Variants in EXT1 observed in about 807,000 individuals in gnomAD.
EXT1 encodes exostosin glycosyltransferase 1, also known as exostosin-1.
Under a neutral mutation model 82.5 loss-of-function variants are expected in EXT1, and 20 were observed. The observed-to-expected ratio is 0.24, with a 90% CI of 0.17 to 0.35. The LOEUF is 0.35. Among genes scored for constraint, EXT1 ranks in the 10% least tolerant of loss-of-function variants. EXT1 has a pLI of 1.00. For synonymous variants in EXT1, 348 were observed against 350.8 expected (o/e 0.99, Z 0.09); for missense variants, 757 against 936.5 (o/e 0.81, Z 2.50).
At position 118,110,837 on chromosome 8, in the gene EXT1, T is replaced by C. The variant is rs367543871; in HGVS notation, c.210A>G (p.Gln70=). The change falls in exon 1 of 11, where the codon CAA becomes CAG. Residue 70 remains glutamine, a synonymous_variant. Coordinates refer to ENST00000378204, the MANE Select transcript of EXT1 (RefSeq NM_000127.3). ...GCACGCTGGAATCCTCGTTTTCCAA[T>C]TGATCCCAAGGAACGAAGGGGCGCA... ...DALRPFVPWD[Q]LENEDSSVHI... is the part of the protein sequence containing the mutation. The C allele has an allele frequency of 1.7e-5, 28 of 1,612,466 alleles. No homozygotes were observed. The highest frequency in any genetic ancestry group is 1.6e-4 in the Middle Eastern group (1 of 6,066).
intron 1 of EXT1, among the ~76,000 whole-genome samples, chr8:117,865,530 A>G (rs1812762128): frequency 6.6e-6 from 1 of 152,198 alleles, no homozygotes; most frequent in South Asian, 2.1e-4. Context: ...ATACTTACTG[A>G]GAGATTTATT....
intron 1 of EXT1, among the ~76,000 whole-genome samples, chr8:117,865,724 A>T (rs1291457857): frequency 6.6e-6 from 1 of 152,216 alleles, no homozygotes; most frequent in Non-Finnish European, 1.5e-5. Flanking sequence ...CACTAATCGT[A>T]TAAATCGTGT....
chr8:118,004,577 G>A (rs1230514709), intron 1 of EXT1, among the ~76,000 whole-genome samples: 2 of 152,112 alleles, frequency 1.3e-5, no homozygotes, highest in Non-Finnish European at 2.9e-5. Flanking sequence ...CACTAAACTC[G>A]GTGCCATTGA....
chr8:117,949,046 T>A (rs1284033971), intron 1 of EXT1, among the ~76,000 whole-genome samples: 1 of 152,198 alleles, frequency 6.6e-6, no homozygotes, highest in Non-Finnish European at 1.5e-5. Context: ...TAGGCCTGAA[T>A]TTTAAATGTT....
intron 4 of EXT1, among the ~76,000 whole-genome samples, chr8:117,824,629 A>C (rs1563572054): frequency 6.6e-6 from 1 of 152,208 alleles, no homozygotes; most frequent in Non-Finnish European, 1.5e-5. Context: ...GCCTTTAAAA[A>C]GAAACTCACT....
At chr8:118,002,016 T>G (rs962949916) in intron 1 of EXT1, among the ~76,000 whole-genome samples, 2 of 152,198 alleles carry the variant, frequency 1.3e-5, no homozygotes, top group African/African-American at 4.8e-5. Flanking sequence ...CAAAAACTAT[T>G]GAGACCCTTG....
intron 1 of EXT1, among the ~76,000 whole-genome samples, chr8:118,060,163 G>T (rs985967647): frequency 1.3e-5 from 2 of 152,110 alleles, no homozygotes; most frequent in African/African-American, 4.8e-5. Flanking sequence ...TCTTTCTTAT[G>T]CGTTATGTTC....
At chr8:117,810,812 G>C (rs17429964) in intron 8 of EXT1, among the ~76,000 whole-genome samples, 12,806 of 152,224 alleles carry the variant, frequency 0.084, 625 homozygotes, top group East Asian at 0.16. Context: ...TCACCTGGTT[G>C]GGTTAGGTCA....
intron 1 of EXT1, among the ~76,000 whole-genome samples, chr8:117,875,313 C>T (rs1812948771): frequency 6.6e-6 from 1 of 151,886 alleles, no homozygotes; most frequent in Admixed American, 6.6e-5. Context: ...CCCAGATACT[C>T]GGGAGGCCGA....
intron 1 of EXT1, among the ~76,000 whole-genome samples, chr8:117,936,066 G>T (rs890508789): frequency 1.9e-4 from 29 of 152,106 alleles, no homozygotes; most frequent in Admixed American, 1.8e-3. Flanking sequence ...TTGGAAAACT[G>T]GACAAATTCC....
chr8:117,815,934 C>CAAA (rs58788900), intron 7 of EXT1, among the ~76,000 whole-genome samples: 35,912 of 115,950 alleles, frequency 0.31, 5,411 homozygotes, highest in Middle Eastern at 0.46. Flanking sequence ...AACTCTGCCT[C>CAAA]AAAAAAAAAA....
At chr8:118,048,247 A>G (rs1424935886) in intron 1 of EXT1, among the ~76,000 whole-genome samples, 1 of 152,212 alleles carries the variant, frequency 6.6e-6, no homozygotes, top group Non-Finnish European at 1.5e-5. Flanking sequence ...GCAGTCACTT[A>G]TCAAACACCT....
intron 1 of EXT1, among the ~76,000 whole-genome samples, chr8:118,054,915 T>TA (rs1189019698): frequency 6.6e-6 from 1 of 151,966 alleles, no homozygotes; most frequent in Non-Finnish European, 1.5e-5. Flanking sequence ...TCCCACACAT[T>TA]AATGGGTCAT....
chr8:118,069,444 G>C lies in EXT1; in HGVS notation c.962+40641C>G, dbSNP rs1817048456. ...CCCTGGGCTGGTGATCTCAACTCCTGCTAAGCACCCCCTCCCACTTACAAA... is the reference window on the plus strand; with the variant it reads ...CCCTGGGCTGGTGATCTCAACTCCTCCTAAGCACCCCCTCCCACTTACAAA... On this transcript the variant is annotated intron_variant, in intron 1 of 10. Transcript: ENST00000378204. Among the ~76,000 whole-genome samples, 8 of 152,064 alleles carry C rather than the reference G, an allele frequency of 5.3e-5. 1 individual carries two copies. The South Asian group carries it at 1.7e-3, about 32-fold the overall frequency.
chr8:118,018,986 T>C (rs1400352194), intron 1 of EXT1, among the ~76,000 whole-genome samples: 1 of 152,026 alleles, frequency 6.6e-6, no homozygotes, highest in Non-Finnish European at 1.5e-5. Context: ...TGTTTTATAA[T>C]GCTGCAATCT....
intron 1 of EXT1, among the ~76,000 whole-genome samples, chr8:117,965,647 G>C (rs1318194304): frequency 6.6e-6 from 1 of 152,170 alleles, no homozygotes; most frequent in South Asian, 2.1e-4. Context: ...TATTTTGTAA[G>C]TTAGATAGAA....
intron 1 of EXT1, among the ~76,000 whole-genome samples, chr8:117,979,533 A>G (rs2129761836): frequency 6.6e-6 from 1 of 150,788 alleles, no homozygotes; most frequent in East Asian, 1.9e-4. Flanking sequence ...AACATCAAAA[A>G]TGAAAAAAAA....
chr8:117,870,452 A>G (rs1435530509), intron 1 of EXT1, among the ~76,000 whole-genome samples: 1 of 152,212 alleles, frequency 6.6e-6, no homozygotes, highest in Non-Finnish European at 1.5e-5. Flanking sequence ...CCTCTGAGCT[A>G]AAAATCAGTG....
chr8:118,063,359 AC>A (rs1201519039), intron 1 of EXT1, among the ~76,000 whole-genome samples: 1 of 152,212 alleles, frequency 6.6e-6, no homozygotes, highest in Non-Finnish European at 1.5e-5. Flanking sequence ...AAAGGTACAG[AC>A]TTTAACAAGG....
Sources: gnomAD v4.1 joint callset for allele counts (sites outside exome capture counted in the v4.1 genomes callset) on GRCh38, gnomAD v4.1.1 for gene constraint, MANE v1.5 for transcripts, NCBI Gene and HGNC (gene_info 2026-07-23, HGNC 2026-07-21) for gene names.